The following EYS variants were observed in gnomAD, a reference collection of about 807,000 sequenced individuals.
EYS encodes EGF-like photoreceptor maintenance factor.
In EYS, 250 loss-of-function variants were observed where a neutral mutation model predicts 282.1. That is an observed-to-expected ratio of 0.89 (90% CI 0.80 to 0.98). The LOEUF is 0.98. Among genes scored for constraint, EYS ranks in the 50% least tolerant of loss-of-function variants. EYS has a pLI of 0.00. For missense variants in EYS, 4,016 were observed against 3,709.0 expected (o/e 1.08, Z -2.15); for synonymous variants, 1,355 against 1,282.9 (o/e 1.06, Z -1.20).
intron 1 of EYS, among the ~76,000 whole-genome samples, chr6:65,678,314 G>A (rs1318159886): frequency 6.6e-6 from 1 of 151,998 alleles, no homozygotes; most frequent in Non-Finnish European, 1.5e-5. Context: ...CATGAGATCT[G>A]GAGGGGACAA....
intron 2 of EYS, among the ~76,000 whole-genome samples, chr6:65,523,601 A>C: frequency 6.6e-6 from 1 of 152,212 alleles, no homozygotes; most frequent in East Asian, 1.9e-4. Context: ...TAGATGTCTA[A>C]TGTAAAGTAA....
At chr6:64,600,492 T>C (rs1766730293) in intron 24 of EYS, among the ~76,000 whole-genome samples, 1 of 152,116 alleles carries the variant, frequency 6.6e-6, no homozygotes, top group African/African-American at 2.4e-5. Context: ...ACATGTAATA[T>C]TGAGATATCT....
chr6:64,770,785 G>T (rs755538268), intron 22 of EYS, among the ~76,000 whole-genome samples: 1 of 151,816 alleles, frequency 6.6e-6, no homozygotes, highest in Non-Finnish European at 1.5e-5. Context: ...CAAACCGAAG[G>T]TTTAGTTTGT....
At chr6:64,573,507 G>A (rs1397121582) in intron 26 of EYS, among the ~76,000 whole-genome samples, 6 of 152,178 alleles carry the variant, frequency 3.9e-5, no homozygotes, top group African/African-American at 1.4e-4. Context: ...CAAAATGGGA[G>A]AAAAGTTTTC....
intron 12 of EYS, among the ~76,000 whole-genome samples, chr6:65,141,956 TAAAA>T (rs1764356628): frequency 6.6e-6 from 1 of 151,910 alleles, no homozygotes; most frequent in Non-Finnish European, 1.5e-5. Context: ...AAAGAAATGA[TAAAA>T]GAATGAACCT....
At chr6:65,065,827 G>C (rs1773728217) in intron 12 of EYS, among the ~76,000 whole-genome samples, 1 of 152,194 alleles carries the variant, frequency 6.6e-6, no homozygotes, top group South Asian at 2.1e-4. Context: ...ACAGAAGAAT[G>C]TGTCACATGT....
chr6:65,607,028 A>G (rs951705113), intron 2 of EYS, among the ~76,000 whole-genome samples: 7 of 151,884 alleles, frequency 4.6e-5, no homozygotes. Flanking sequence ...TTTATTTATG[A>G]AAACTGAATA....
chr6:64,514,185 T>C (rs900953579), intron 26 of EYS, among the ~76,000 whole-genome samples: 10 of 151,722 alleles, frequency 6.6e-5, no homozygotes, highest in Non-Finnish European at 2.9e-5. Context: ...ACATAATTTA[T>C]GTAATTATGA....
At chr6:64,072,809 CAT>C (rs1771638165) in intron 32 of EYS, among the ~76,000 whole-genome samples, 2 of 151,840 alleles carry the variant, frequency 1.3e-5, no homozygotes, top group Admixed American at 1.3e-4. Flanking sequence ...ATTTCAGACT[CAT>C]ATTTTTGAGA....
At chr6:63,963,878 C>A (rs1418413423) in intron 35 of EYS, among the ~76,000 whole-genome samples, 2 of 152,130 alleles carry the variant, frequency 1.3e-5, no homozygotes, top group East Asian at 3.8e-4. Flanking sequence ...GTTCTTTGAC[C>A]TATGGGTCTT....
In EYS at chr6:64,724,898, G is replaced by A. The variant is rs1309906352; in HGVS notation, c.3443+88480C>T. Reference sequence around the variant, plus strand: ...AATTTTGCTATAGAAATTATGGAAAGAACAACTTAATCTCAAAATCTTTTC... The same window carrying A: ...AATTTTGCTATAGAAATTATGGAAAAAACAACTTAATCTCAAAATCTTTTC... On this transcript the variant is annotated intron_variant, in intron 22 of 42. Transcript: ENST00000503581. 2.6e-5 allele frequency among the ~76,000 whole-genome samples: 4 copies of A among 151,572 alleles called. No individual in the cohort carries two copies. The South Asian group carries it at 8.3e-4, about 31-fold the overall frequency.
chr6:64,450,216 T>G (rs1312193357), intron 26 of EYS, among the ~76,000 whole-genome samples: 2 of 151,928 alleles, frequency 1.3e-5, no homozygotes, highest in East Asian at 1.9e-4. Flanking sequence ...TCCTAGTCTC[T>G]GATAAAACAG....
At chr6:64,331,105 G>A (rs142098562) in intron 29 of EYS, among the ~76,000 whole-genome samples, 1 of 152,292 alleles carries the variant, frequency 6.6e-6, no homozygotes, top group African/African-American at 2.4e-5. Flanking sequence ...CTGCTGGTCG[G>A]AACTTCGGCC....
At chr6:65,557,803 G>A (rs186797273) in intron 2 of EYS, among the ~76,000 whole-genome samples, 164 of 152,272 alleles carry the variant, frequency 1.1e-3, no homozygotes, top group African/African-American at 3.8e-3. Context: ...TTGAGTGACA[G>A]AATAGCTCTC....
chr6:64,428,886 G>A (rs1359098966), intron 28 of EYS, among the ~76,000 whole-genome samples: 1 of 151,998 alleles, frequency 6.6e-6, no homozygotes, highest in Non-Finnish European at 1.5e-5. Context: ...AAATGCCTGG[G>A]TACAATAGCT....
At chr6:64,978,841 T>C (rs1770559378) in intron 14 of EYS, among the ~76,000 whole-genome samples, 1 of 151,854 alleles carries the variant, frequency 6.6e-6, no homozygotes, top group East Asian at 1.9e-4. Context: ...GAACTAGAAT[T>C]AGAAGTGGAG....
intron 2 of EYS, among the ~76,000 whole-genome samples, chr6:65,637,650 C>A (rs1283588790): frequency 6.6e-6 from 1 of 152,218 alleles, no homozygotes; most frequent in Non-Finnish European, 1.5e-5. Flanking sequence ...GGCCTCTCCC[C>A]ACTTCCAGCA....
chr6:64,544,965 T>C (rs1435265255), intron 26 of EYS, among the ~76,000 whole-genome samples: 1 of 152,156 alleles, frequency 6.6e-6, no homozygotes, highest in African/African-American at 2.4e-5. Flanking sequence ...GTACGATTCC[T>C]TCTGAAACTA....
intron 26 of EYS, among the ~76,000 whole-genome samples, chr6:64,559,215 C>T (rs77141273): frequency 0.03 from 4,568 of 151,346 alleles, 156 homozygotes; most frequent in East Asian, 0.11. Context: ...TTTGTAATGA[C>T]CATAAACTAT....
Sources: gnomAD v4.1 joint callset for allele counts (sites outside exome capture counted in the v4.1 genomes callset) on GRCh38, gnomAD v4.1.1 for gene constraint, MANE v1.5 for transcripts, NCBI Gene and HGNC (gene_info 2026-07-23, HGNC 2026-07-21) for gene names.